RASIP1: variants seen among roughly 807,000 people sequenced by gnomAD.
RASIP1 encodes Ras interacting protein 1, also known as ras-interacting protein 1.
A neutral mutation model predicts 85.3 loss-of-function variants in RASIP1; 20 were observed. The ratio of observed to expected loss-of-function variants is 0.23; its 90% CI spans 0.17 to 0.34. RASIP1 has a LOEUF of 0.34. RASIP1 is among the 10% of genes least tolerant of loss of function. The probability of loss-of-function intolerance (pLI) is 1.00; values close to 1 mark genes in which losing one functional copy is unlikely to be tolerated. For synonymous variants in RASIP1, 617 were observed against 647.1 expected (o/e 0.95, Z 0.71); for missense variants, 1,170 against 1,390.9 (o/e 0.84, Z 2.53).
At chr19:48,722,352 G>A (rs1219606642) in intron 10 of RASIP1, among the ~76,000 whole-genome samples, 2 of 124,820 alleles carry the variant, frequency 1.6e-5, no homozygotes, top group Non-Finnish European at 3.1e-5. Context: ...GTCTCACTCC[G>A]TCGCCCAGGC....
intron 10 of RASIP1, among the ~76,000 whole-genome samples, chr19:48,723,151 GCTGGCATTACA>G (rs2033280306): frequency 6.6e-6 from 1 of 152,034 alleles, no homozygotes; most frequent in Non-Finnish European, 1.5e-5. Context: ...CTCCCAAAAT[GCTGGCATTACA>G]GGCATTAGCC....
At chr19:48,725,083 A>G in intron 8 of RASIP1, 123 bp from the exon 9 acceptor site, 2 of 1,181,344 alleles carry the variant, frequency 1.7e-6, no homozygotes, top group South Asian at 1.5e-5. Context: ...AGTCCATTCT[A>G]CAGTCAACAC....
chr19:48,729,638 C>G (rs192044238), intron 4 of RASIP1, 48 bp from the exon 5 acceptor site: 11 of 1,512,944 alleles, frequency 7.3e-6, no homozygotes, highest in Admixed American at 5.8e-5. Context: ...CAATCCATAT[C>G]TTCAGATCTG....
rs1232861743 is a variant in RASIP1 at position 48,727,145 on chromosome 19, C to T, written c.1885G>A (p.Val629Ile). 6.2e-7 allele frequency: 1 copy of T among 1,613,958 alleles called. No homozygotes were observed. Among genetic ancestry groups the T allele is most frequent in the Non-Finnish European group, 8.5e-7 (1 of 1,180,036 alleles). ...DRQPENHPEG[V>I]PEVPLTPEAV... is the part of the protein sequence containing the mutation. ...TCAGGAGTCAGGGGCACCTCGGGGACCCCCTCAGGGTGGCTTGAAAAAGAG... is the reference window on the plus strand; with the variant it reads ...TCAGGAGTCAGGGGCACCTCGGGGATCCCCTCAGGGTGGCTTGAAAAAGAG... Residue 629 changes from valine to isoleucine, a missense_variant, in exon 7 of 12, where the codon GTC (valine) becomes ATC (isoleucine). Transcript: ENST00000222145.
At chr19:48,736,710 C>T (rs1160414415) in intron 3 of RASIP1, among the ~76,000 whole-genome samples, 2 of 152,156 alleles carry the variant, frequency 1.3e-5, no homozygotes, top group African/African-American at 4.8e-5. Context: ...CATCTGTCAA[C>T]GTCCCCACTG....
chr19:48,728,788 A>ACAAG, intron 5 of RASIP1, 149 bp downstream of exon 5: 1 of 966,298 alleles, frequency 1.0e-6, no homozygotes, highest in South Asian at 2.7e-5. Context: ...AAACAAACAA[A>ACAAG]CAAAACCCAA....
Position 48,739,434 on chromosome 19 carries a change from G to A in RASIP1, c.349C>T (p.Arg117Cys). The change falls in exon 3 of 12, where the codon CGC (arginine) becomes TGC (cysteine). Residue 117 changes from arginine (R) to cysteine (C), a missense_variant. Arg to Cys is a radical substitution (Grantham distance 180, BLOSUM62 -3). Around this residue, in one of 4 missense-constraint regions of RASIP1, gnomAD observed 299 missense variants for 394.4 expected, o/e 0.76. Transcript: ENST00000222145. The surrounding 1 kb of genome is among the most constrained non-coding windows in gnomAD (Gnocchi z 9.2). ...GGCAGCTTCTTCTCGCTGGCCCAGC[G>A]CTGCGCGCCCCCCGGGGTCCCAGGG... ...GGPGTPGGAQ[R>C]WASEKKLPEL... 1 of 1,446,424 alleles carries A rather than the reference G, an allele frequency of 6.9e-7. No individual in the cohort carries two copies. The allele number at this position is 1,446,424 out of a possible 1,614,324, so 89.6% of individuals were successfully genotyped here.
rs1005803678 is a variant in RASIP1 at position 48,735,059 on chromosome 19, A to T, written c.1179+137T>A. On this transcript the variant is annotated intron_variant, in intron 4 of 11. Transcript: ENST00000222145. ...CCTCTCCTGTGAATCTCTACTCTGG[A>T]ACCTTGAGGGACCACGCCCCACTAG... 8 of 750,808 alleles carry T rather than the reference A, an allele frequency of 1.1e-5. No homozygotes were observed. In the African/African-American group the frequency reaches 1.4e-4, roughly 13 times the overall value. 46.5% of individuals were successfully genotyped at this position (750,808 alleles called of 1,614,324 possible). A position where few individuals can be genotyped will look rare whatever the true frequency, so the allele number is the denominator to read the frequency against.
At chr19:48,734,490 C>T (rs837717) in intron 4 of RASIP1, among the ~76,000 whole-genome samples, 83,116 of 127,058 alleles carry the variant, frequency 0.65, 26,373 homozygotes, top group East Asian at 0.83. Flanking sequence ...TTTTTTCTTT[C>T]TTTTTTTTTT....
chr19:48,728,400 G>T (rs538541942), intron 5 of RASIP1, among the ~76,000 whole-genome samples: 1 of 152,144 alleles, frequency 6.6e-6, no homozygotes, highest in African/African-American at 2.4e-5. Context: ...CTCTCCTAAG[G>T]TGAGTTTGGG....
At position 48,724,814 on chromosome 19, in the gene RASIP1, G is replaced by A; in HGVS notation, c.2274C>T (p.Thr758=). The A allele has an allele frequency of 6.2e-7, 1 of 1,614,216 alleles. No individual in the cohort carries two copies. The highest frequency in any genetic ancestry group is 1.3e-5 in the African/African-American group (1 of 75,058). The change falls in exon 9 of 12, where the codon ACC becomes ACT. Residue 758 remains threonine (T), a synonymous_variant. Transcript: ENST00000222145. This position sits in a 1 kb window ranked among gnomAD's most constrained non-coding sequence, Gnocchi z 4.6. ...LGVFQAALEL[T]SQCELHPDLV... The stretch of plus-strand genomic sequence containing the variant: ...GGTCAGGGTGCAGCTCGCACTGGCT[G>A]GTCAGCTCCAAGGCTGCCTGGAACA...
chr19:48,734,429 T>C (rs1457911828), intron 4 of RASIP1, among the ~76,000 whole-genome samples: 1 of 150,640 alleles, frequency 6.6e-6, no homozygotes, highest in Non-Finnish European at 1.5e-5. Context: ...TCCTCCTGCC[T>C]CAGTCTCCCG....
rs1220650494 is a variant in RASIP1, at chr19:48,729,353, G to A, written c.1417C>T (p.Pro473Ser). ...CLLLREAELHPGDLLGLGEHF... is the reference protein window; with the variant it reads ...CLLLREAELHSGDLLGLGEHF... ...TCGCCCAGCCCCAGGAGGTCGCCCG[G>A]GTGCAGCTCAGCCTCCCGCAGCAGG... Residue 473 changes from proline to serine, a missense_variant, in exon 5 of 12, where the codon CCG becomes TCG. Physicochemically the swap from Pro to Ser is moderately conservative, Grantham distance 74. Around this residue, in one of 4 missense-constraint regions of RASIP1, gnomAD observed 426 missense variants for 576.2 expected, o/e 0.74. Transcript: ENST00000222145. 6.4e-7 allele frequency: 1 copy of A among 1,559,786 alleles called. No homozygotes were observed. Among genetic ancestry groups the A allele is most frequent in the Non-Finnish European group, 8.7e-7 (1 of 1,152,506 alleles).
chr19:48,721,096 A>T, intron 11 of RASIP1, 99 bp from the exon 12 acceptor site: 1 of 1,077,124 alleles, frequency 9.3e-7, no homozygotes, highest in Non-Finnish European at 1.3e-6. Context: ...GGAAGAAAAA[A>T]ACTACAAACC....
chr19:48,738,946 C>A lies in RASIP1; in HGVS notation c.823+14G>T, dbSNP rs1044386071. ...GCACCGAGTCCCCGCCCCAGAGCCC[C>A]GCCCGCCGCTCACCTTCGCTGTCCG... On this transcript the variant is annotated intron_variant, in intron 3 of 11. Transcript: ENST00000222145. This position sits in a 1 kb window ranked among gnomAD's most constrained non-coding sequence, Gnocchi z 4.0. 6.6e-6 allele frequency: 8 copies of A among 1,212,082 alleles called. No individual in the cohort carries two copies. The African/African-American group carries it at 1.3e-4, about 19-fold the overall frequency. 75.1% of individuals were successfully genotyped at this position (1,212,082 alleles called of 1,614,324 possible).
At position 48,721,118 on chromosome 19, in the gene RASIP1, T is replaced by TG. The variant is rs113205490; in HGVS notation, c.2693-122dup. 14 of 862,114 alleles carry TG rather than the reference T, an allele frequency of 1.6e-5. No homozygotes were observed. In the African/African-American group the frequency reaches 1.9e-4, roughly 12 times the overall value. 53.4% of individuals were successfully genotyped at this position (862,114 alleles called of 1,614,324 possible). On this transcript the variant is annotated intron_variant, in intron 11 of 11. Coordinates refer to ENST00000222145, the MANE Select transcript of RASIP1 (RefSeq NM_017805.3). ...AAAAACTACAAACCCCAGCAACTCC[T>TG]GGGGCGGGGTCCGTTCACACGCTAC...
Position 48,739,375 on chromosome 19 carries a change from C to G in RASIP1, c.408G>C (p.Pro136=). Residue 136 remains proline (P), a synonymous_variant, in exon 3 of 12, where the codon CCG becomes CCC. Coordinates refer to ENST00000222145, the MANE Select transcript of RASIP1 (RefSeq NM_017805.3). The surrounding 1 kb of genome is among the most constrained non-coding windows in gnomAD (Gnocchi z 9.2). The part of the protein sequence containing the change: ...ELAAGVAPEP[P]LATRATAPPG... ...GAGGCGCCGTGGCGCGGGTAGCCAG[C>G]GGGGGCTCGGGGGCCACGCCCGCCG... 1 of 1,341,890 alleles carries G rather than the reference C, an allele frequency of 7.5e-7. No individual in the cohort carries two copies. Among genetic ancestry groups the G allele is most frequent in the Non-Finnish European group, 9.5e-7 (1 of 1,051,546 alleles). 83.1% of individuals were successfully genotyped at this position (1,341,890 alleles called of 1,614,324 possible). A position where few individuals can be genotyped will look rare whatever the true frequency, so the allele number is the denominator to read the frequency against.
intron 4 of RASIP1, among the ~76,000 whole-genome samples, chr19:48,730,147 G>GA (rs2033427315): frequency 6.6e-6 from 1 of 151,228 alleles, no homozygotes; most frequent in South Asian, 2.1e-4. Context: ...CCATCCCGAA[G>GA]ACCGGCTATG....
intron 4 of RASIP1, 24 bp downstream of exon 4, chr19:48,735,172 G>A (rs1430961278): frequency 2.5e-6 from 4 of 1,581,120 alleles, no homozygotes; most frequent in South Asian, 1.1e-5. Flanking sequence ...GGCTCTGGGC[G>A]TGCGGGGCTG....
Sources: allele counts gnomAD v4.1 joint callset (sites outside exome capture counted in the v4.1 genomes callset), GRCh38; gene constraint gnomAD v4.1.1; regional missense constraint gnomAD v4.1.1; non-coding constraint Gnocchi (gnomAD v3.1); transcripts MANE v1.5; gene names NCBI Gene and HGNC (gene_info 2026-07-23, HGNC 2026-07-21).